KLHL11: variants seen among roughly 807,000 people sequenced by gnomAD.
KLHL11 encodes kelch like family member 11, also known as kelch-like protein 11.
A neutral mutation model predicts 56.1 loss-of-function variants in KLHL11; 26 were observed. That is an observed-to-expected ratio of 0.46 (90% confidence interval 0.34 to 0.64). The LOEUF (loss-of-function observed/expected upper bound fraction) is 0.64. KLHL11 is among the 30% of genes least tolerant of loss of function. The probability of loss-of-function intolerance (pLI) is 0.01; values close to 1 mark genes in which losing one functional copy is unlikely to be tolerated. For synonymous variants in KLHL11, 338 were observed against 345.8 expected, an observed-to-expected ratio of 0.98 and a Z score of 0.25; for missense variants, 627 against 919.4, an observed-to-expected ratio of 0.68 and a Z score of 4.11.
rs1555621856 is a variant in KLHL11 at position 41,849,444 on chromosome 17, C to G, written c.*4296G>C. On this transcript the variant is annotated 3_prime_UTR_variant, in exon 2 of 2. Coordinates refer to ENST00000319121, the MANE Select transcript of KLHL11 (RefSeq NM_018143.3). ...TAAACATACCACATGCTACACTAGT[C>G]AAGAGGTAAGGAGGAAAAGTGAGCC... 1 of 152,132 alleles carries G rather than the reference C, an allele frequency of 6.6e-6. No homozygotes were observed. The highest frequency in any genetic ancestry group is 1.5e-5 in the Non-Finnish European group (1 of 68,036). The allele number at this position is 152,132 out of a possible 1,614,324, so 9.4% of individuals were successfully genotyped here.
rs1301683999 is a variant in KLHL11 at position 41,850,005 on chromosome 17, A to G, written c.*3735T>C. On this transcript the variant is annotated 3_prime_UTR_variant, in exon 2 of 2. Transcript: ENST00000319121. ...CTGTCTTTCTAAAGTCATGTTTTTA[A>G]CTGCTTACATTACCAAAAACAATAT... 1.3e-5 allele frequency: 2 copies of G among 152,196 alleles called. No individual in the cohort carries two copies. Among genetic ancestry groups the G allele is most frequent in the African/African-American group, 4.8e-5 (2 of 41,456 alleles). The allele number at this position is 152,196 out of a possible 1,614,324, so 9.4% of individuals were successfully genotyped here.
chr17:41,864,842 G>A lies in KLHL11; in HGVS notation c.529C>T (p.Leu177=). 2 of 1,531,602 alleles carry A rather than the reference G, an allele frequency of 1.3e-6. No homozygotes were observed. Among genetic ancestry groups the A allele is most frequent in the South Asian group, 1.2e-5 (1 of 80,632 alleles). The allele number at this position is 1,531,602 out of a possible 1,614,324, so 94.9% of individuals were successfully genotyped here. A position where few individuals can be genotyped will look rare whatever the true frequency, so the allele number is the denominator to read the frequency against. Residue 177 remains leucine, a synonymous_variant, in exon 1 of 2, where the codon CTG becomes TTG. Coordinates refer to ENST00000319121, the MANE Select transcript of KLHL11 (RefSeq NM_018143.3). ...RVSTGSVHEV[L]ELADRFLLIR... ...CTCGCCTACCTGTCGGCCAACTCCA[G>A]CACCTCGTGCACGCTGCCCGTGCTG...
intron 1 of KLHL11, 138 bp from the exon 2 acceptor site, chr17:41,855,459 A>G: frequency 1.6e-6 from 1 of 610,176 alleles, no homozygotes; most frequent in East Asian, 2.9e-5. Flanking sequence ...GCTCACTGCA[A>G]CCTCTACCTC....
At position 41,864,056 on chromosome 17, in the gene KLHL11, C is replaced by G. The variant is rs185161138; in HGVS notation, c.545+770G>C. 1.1e-4 allele frequency among the ~76,000 whole-genome samples: 16 copies of G among 152,288 alleles called. 1 individual carries two copies. Among genetic ancestry groups the G allele is most frequent in the African/African-American group, 3.9e-4 (16 of 41,546 alleles). ...CTGAAACCCTAGCACCTTAGAATCC[C>G]GCATCTGAGCTGATGCGTAATAGGC... On this transcript the variant is annotated intron_variant, in intron 1 of 1. Coordinates refer to ENST00000319121, the MANE Select transcript of KLHL11 (RefSeq NM_018143.3).
In KLHL11 at chr17:41,864,911, C is replaced by T; in HGVS notation, c.460G>A (p.Val154Met). ...TACATGTACTCGATTACGGCTTCCA[C>T]TGTGTCGGGTTCGGGCCCCGGCTCG... ...SSEPGPEPDT[V>M]EAVIEYMYTG... The change falls in exon 1 of 2, where the codon GTG becomes ATG. Residue 154 changes from valine (V) to methionine (M), a missense_variant. By Grantham distance (21) the Val-to-Met change is conservative (BLOSUM62 1). Around this residue, in one of 4 missense-constraint regions of KLHL11, gnomAD observed 150 missense variants for 215.7 expected, o/e 0.70. Coordinates refer to ENST00000319121, the MANE Select transcript of KLHL11 (RefSeq NM_018143.3). 6.2e-7 allele frequency: 1 copy of T among 1,610,408 alleles called. No homozygotes were observed. Among genetic ancestry groups the T allele is most frequent in the Non-Finnish European group, 8.5e-7 (1 of 1,178,742 alleles).
At position 41,851,781 on chromosome 17, in the gene KLHL11, C is replaced by T. The variant is rs995926586; in HGVS notation, c.*1959G>A. Among the ~76,000 whole-genome samples the T allele has an allele frequency of 2.0e-5, 3 of 151,550 alleles. No individual in the cohort carries two copies. Among genetic ancestry groups the T allele is most frequent in the Admixed American group, 6.6e-5 (1 of 15,200 alleles). ...AAAAAATTAGCTGGGCGTGGTGGCG[C>T]GTGCCCATAGTCCCAGCTACTCCGT... is the stretch of plus-strand genomic sequence containing the variant. On this transcript the variant is annotated 3_prime_UTR_variant, in exon 2 of 2. Coordinates refer to ENST00000319121, the MANE Select transcript of KLHL11 (RefSeq NM_018143.3).
Position 41,865,204 on chromosome 17 carries a change from G to A in KLHL11, c.167C>T (p.Ala56Val). 1 of 1,607,306 alleles carries A rather than the reference G, an allele frequency of 6.2e-7. No individual in the cohort carries two copies. Among genetic ancestry groups the A allele is most frequent in the African/African-American group, 1.3e-5 (1 of 74,616 alleles). Residue 56 changes from alanine (A) to valine (V), a missense_variant, in exon 1 of 2, where the codon GCA (alanine) becomes GTA (valine). Ala to Val is a moderately conservative substitution (Grantham distance 64). Coordinates refer to ENST00000319121, the MANE Select transcript of KLHL11 (RefSeq NM_018143.3). The part of the protein sequence containing the change: ...VDFGPGPGIS[A>V]MEASGGDPGP... ...CGGATCGCCCCCGCTCGCCTCCATT[G>A]CAGAGATCCCCGGCCCAGGCCCGAA...
rs1453482854 is a variant in KLHL11, at chr17:41,851,981, C to G, written c.*1759G>C. Among the ~76,000 whole-genome samples, 1 of 151,430 alleles carries G rather than the reference C, an allele frequency of 6.6e-6. No homozygotes were observed. The highest frequency in any genetic ancestry group is 2.4e-5 in the African/African-American group (1 of 41,246). ...AAAGCTCAGGAGACATAAGATAATT[C>G]GAATAACGTATAAAACTAAATAAAA... On this transcript the variant is annotated 3_prime_UTR_variant, in exon 2 of 2. Transcript: ENST00000319121.
At chr17:41,860,873 T>C (rs2048398267) in intron 1 of KLHL11, among the ~76,000 whole-genome samples, 1 of 152,046 alleles carries the variant, frequency 6.6e-6, no homozygotes, top group Non-Finnish European at 1.5e-5. Flanking sequence ...AACCAGAATA[T>C]TTCACCCCAA....
At position 41,855,197 on chromosome 17, in the gene KLHL11, C is replaced by G; in HGVS notation, c.670G>C (p.Ala224Pro). 6.2e-7 allele frequency: 1 copy of G among 1,614,118 alleles called. No individual in the cohort carries two copies. Among genetic ancestry groups the G allele is most frequent in the Non-Finnish European group, 8.5e-7 (1 of 1,180,038 alleles). Reference protein sequence around the residue: ...MYTLSQLALKAADMIRRNFHK... With the variant: ...MYTLSQLALKPADMIRRNFHK... ...AAATTTCTCCGTATCATATCAGCAG[C>G]CTTCAGAGCAAGTTGGCTCAGGGTG... The change falls in exon 2 of 2, where the codon GCT becomes CCT. Residue 224 changes from alanine (A) to proline (P), a missense_variant. Coordinates refer to ENST00000319121, the MANE Select transcript of KLHL11 (RefSeq NM_018143.3).
At chr17:41,857,725 C>A (rs2048375137) in intron 1 of KLHL11, among the ~76,000 whole-genome samples, 1 of 152,102 alleles carries the variant, frequency 6.6e-6, no homozygotes, top group East Asian at 1.9e-4. Flanking sequence ...TGCGCTACAG[C>A]CCCAAACTCC....
rs541735675 is a variant in KLHL11, at chr17:41,852,498, AAAG to A, written c.*1239_*1241del. ...TTGGAAAAAAACAGTTTCTTGTAGA[AAAG>A]AATAATGGACTGGGCACGGTGGCTC... On this transcript the variant is annotated 3_prime_UTR_variant, in exon 2 of 2. Transcript: ENST00000319121. Among the ~76,000 whole-genome samples the A allele has an allele frequency of 4.6e-5, 7 of 152,284 alleles. No homozygotes were observed. In the East Asian group the frequency reaches 1.4e-3, roughly 29 times the overall value.
In KLHL11 at chr17:41,858,463, G is replaced by A. The variant is rs1309482533; in HGVS notation, c.546-3142C>T. Among the ~76,000 whole-genome samples the A allele has an allele frequency of 7.4e-5, 11 of 147,948 alleles. No homozygotes were observed. In the South Asian group the frequency reaches 1.5e-3, roughly 20 times the overall value. On this transcript the variant is annotated intron_variant, in intron 1 of 1. Coordinates refer to ENST00000319121, the MANE Select transcript of KLHL11 (RefSeq NM_018143.3). ...GTTTTTCTCCCCGAGATGGAGTTTC[G>A]CTCTTATTGCCCAGGCTGGAGTGCA...
Position 41,855,278 on chromosome 17 carries a change from T to G in KLHL11, c.589A>C (p.Lys197Gln), listed in dbSNP as rs782023102. The part of the protein sequence containing the change: ...RLKEFCGEFL[K>Q]KKLHLSNCVA... ...CAATTTGAGAGATGAAGTTTTTTCTTGAGAAATTCTCCACAAAATTCTTTT... is the reference window on the plus strand; with the variant it reads ...CAATTTGAGAGATGAAGTTTTTTCTGGAGAAATTCTCCACAAAATTCTTTT... The change falls in exon 2 of 2, where the codon AAG becomes CAG. Residue 197 changes from lysine (K) to glutamine (Q), a missense_variant. Transcript: ENST00000319121. 1 of 1,595,606 alleles carries G rather than the reference T, an allele frequency of 6.3e-7. No individual in the cohort carries two copies. Among genetic ancestry groups the G allele is most frequent in the South Asian group, 1.1e-5 (1 of 87,528 alleles).
intron 1 of KLHL11, 117 bp from the exon 2 acceptor site, chr17:41,855,438 G>C (rs2144154056): frequency 2.8e-6 from 2 of 702,410 alleles, no homozygotes; most frequent in East Asian, 5.5e-5. Context: ...GAGTGCAGTG[G>C]CGTGATCTCG....
rs1466034661 is a variant in KLHL11 at position 41,855,249 on chromosome 17, C to T, written c.618G>A (p.Val206=). The change falls in exon 2 of 2, where the codon GTG becomes GTA. Residue 206 remains valine (V), a synonymous_variant. Transcript: ENST00000319121. The stretch of plus-strand genomic sequence containing the variant: ...ACATGTGTGCTAAGCTATGAATTGC[C>T]ACACAATTTGAGAGATGAAGTTTTT... The part of the protein sequence containing the change: ...LKKKLHLSNC[V]AIHSLAHMYT... 1.2e-6 allele frequency: 2 copies of T among 1,611,136 alleles called. No homozygotes were observed. Among genetic ancestry groups the T allele is most frequent in the African/African-American group, 2.7e-5 (2 of 74,874 alleles).
Position 41,865,344 on chromosome 17 carries a change from C to T in KLHL11, c.27G>A (p.Ala9=). Residue 9 remains alanine (A), a synonymous_variant, in exon 1 of 2, where the codon GCG becomes GCA. Transcript: ENST00000319121. MAAAAVAA[A]AAAAAAASLQ... is the part of the protein sequence containing the mutation. ...GAGATGCAGCCGCGGCCGCCGCCGC[C>T]GCCGCCGCCACTGCCGCAGCCGCCA... is the stretch of plus-strand genomic sequence containing the variant. 1 of 1,440,962 alleles carries T rather than the reference C, an allele frequency of 6.9e-7. No individual in the cohort carries two copies. The highest frequency in any genetic ancestry group is 9.0e-7 in the Non-Finnish European group (1 of 1,110,650). 89.3% of individuals were successfully genotyped at this position (1,440,962 alleles called of 1,614,324 possible).
In KLHL11 at chr17:41,853,790, G is replaced by T; in HGVS notation, c.2077C>A (p.Arg693Ser). 6.2e-7 allele frequency: 1 copy of T among 1,614,176 alleles called. No homozygotes were observed. Among genetic ancestry groups the T allele is most frequent in the Non-Finnish European group, 8.5e-7 (1 of 1,180,016 alleles). Residue 693 changes from arginine to serine, a missense_variant, in exon 2 of 2, where the codon CGT (arginine) becomes AGT (serine). Around this residue, in one of 4 missense-constraint regions of KLHL11, gnomAD observed 250 missense variants for 360.6 expected, o/e 0.69. Coordinates refer to ENST00000319121, the MANE Select transcript of KLHL11 (RefSeq NM_018143.3). ...DRIRQMQEIH[R>S]HALNMRRVPS... ...ACTCGCCTCATGTTCAGGGCGTGAC[G>T]ATGTATCTCTTGCATCTGTCTGATG...
intron 1 of KLHL11, among the ~76,000 whole-genome samples, chr17:41,864,007 G>A (rs2048421338): frequency 6.6e-6 from 1 of 152,168 alleles, no homozygotes. Context: ...TAAGGAAAAG[G>A]ACTTTTGTCT....
Sources: allele counts gnomAD v4.1 joint callset (sites outside exome capture counted in the v4.1 genomes callset), GRCh38; gene constraint gnomAD v4.1.1; regional missense constraint gnomAD v4.1.1; transcripts MANE v1.5; gene names NCBI Gene and HGNC (gene_info 2026-07-23, HGNC 2026-07-21).